INSR: variants seen among roughly 807,000 people sequenced by gnomAD.
The protein encoded by INSR is insulin receptor, also known as IR.
INSR carries 67 observed loss-of-function variants against 142.6 expected under a neutral mutation model. The observed-to-expected ratio is 0.47, with a 90% confidence interval of 0.39 to 0.58. The LOEUF (loss-of-function observed/expected upper bound fraction) is 0.58. Ranked by LOEUF, INSR falls within the 20% of genes least tolerant of loss-of-function variation. The pLI, the probability that INSR is intolerant of heterozygous loss-of-function variation, is 0.00. For missense variants in INSR, 1,248 were observed against 1,833.2 expected (o/e 0.68, Z 5.83); for synonymous variants, 756 against 743.1 (o/e 1.02, Z -0.28).
Position 7,113,497 on chromosome 19 carries a change from A to T in INSR, c.*3559T>A, listed in dbSNP as rs1320349230. 6.6e-6 allele frequency: 1 copy of T among 152,196 alleles called. No homozygotes were observed. Among genetic ancestry groups the T allele is most frequent in the Admixed American group, 6.5e-5 (1 of 15,278 alleles). 9.4% of individuals were successfully genotyped at this position (152,196 alleles called of 1,614,324 possible). A position where few individuals can be genotyped will look rare whatever the true frequency, so the allele number is the denominator to read the frequency against. On this transcript the variant is annotated 3_prime_UTR_variant, in exon 22 of 22. Coordinates refer to ENST00000302850, the MANE Select transcript of INSR (RefSeq NM_000208.4). ...TTCTGATGCGTATTTGACATCACTG[A>T]TGCAGAGAGAAAGTGATGTGCTTGG...
intron 5 of INSR, among the ~76,000 whole-genome samples, 173 bp from the exon 6 acceptor site, chr19:7,170,924 G>A (rs10415589): frequency 0.032 from 4,811 of 152,214 alleles, 247 homozygotes; most frequent in African/African-American, 0.11. Flanking sequence ...AGGAAGTTGA[G>A]GAAGTTTTCA....
chr19:7,160,125 C>T (rs949931256), intron 9 of INSR, among the ~76,000 whole-genome samples: 7 of 151,698 alleles, frequency 4.6e-5, no homozygotes, highest in Non-Finnish European at 7.4e-5. Context: ...ATATCAAGAT[C>T]CCCACCTCTA....
At chr19:7,167,893 T>A in intron 7 of INSR, 75 bp downstream of exon 7, 1 of 1,593,742 alleles carries the variant, frequency 6.3e-7, no homozygotes, top group Non-Finnish European at 8.6e-7. Context: ...GAGGGGCAGA[T>A]TGGAGCACAA....
chr19:7,248,938 T>C (rs1391497893), intron 2 of INSR, among the ~76,000 whole-genome samples: 1 of 151,850 alleles, frequency 6.6e-6, no homozygotes. Flanking sequence ...TAAGTATTTT[T>C]AGTAGAGACA....
At chr19:7,188,335 C>T in intron 2 of INSR, among the ~76,000 whole-genome samples, 1 of 151,966 alleles carries the variant, frequency 6.6e-6, no homozygotes, top group South Asian at 2.1e-4. Context: ...TATTTGAGGT[C>T]AGGAGTTCAA....
At chr19:7,153,403 T>A (rs1295487513) in intron 9 of INSR, among the ~76,000 whole-genome samples, 9 of 2,982 alleles carry the variant, frequency 3.0e-3, no homozygotes, top group South Asian at 9.8e-3. Flanking sequence ...ACACACCACA[T>A]ACACACTTCA....
chr19:7,176,635 C>G (rs1974140863), intron 3 of INSR, among the ~76,000 whole-genome samples: 1 of 152,012 alleles, frequency 6.6e-6, no homozygotes, highest in South Asian at 2.1e-4. Context: ...GCACCTTCCC[C>G]CTTTCTCTCT....
At chr19:7,250,447 AG>A (rs1976684061) in intron 2 of INSR, among the ~76,000 whole-genome samples, 2 of 85,834 alleles carry the variant, frequency 2.3e-5, no homozygotes, top group South Asian at 3.6e-4. Context: ...AAAAGAAAGA[AG>A]AAAGAAAAGG....
intron 2 of INSR, among the ~76,000 whole-genome samples, chr19:7,237,742 G>A (rs559062634): frequency 6.6e-6 from 1 of 152,166 alleles, no homozygotes; most frequent in Admixed American, 6.6e-5. Flanking sequence ...CGTAAACCCG[G>A]GAGGTGGAGC....
chr19:7,153,344 C>CCACA (rs1973481568), intron 9 of INSR, among the ~76,000 whole-genome samples: 1 of 125,398 alleles, frequency 8.0e-6, no homozygotes, highest in African/African-American at 4.0e-5. Context: ...ACGCCACACA[C>CCACA]CACAGACCAC....
In INSR at chr19:7,112,349, G is replaced by T. The variant is rs890774237; in HGVS notation, c.*4707C>A. 6.6e-6 allele frequency: 1 copy of T among 152,064 alleles called. No individual in the cohort carries two copies. Among genetic ancestry groups the T allele is most frequent in the Non-Finnish European group, 1.5e-5 (1 of 68,002 alleles). The allele number at this position is 152,064 out of a possible 1,614,324, so 9.4% of individuals were successfully genotyped here. On this transcript the variant is annotated 3_prime_UTR_variant, in exon 22 of 22. Transcript: ENST00000302850. ...ATTTCAATATTCCAAAAAAAAAGGCGTCTTCTGTACATGGTGCTACTTGGC... is the reference window on the plus strand; with the variant it reads ...ATTTCAATATTCCAAAAAAAAAGGCTTCTTCTGTACATGGTGCTACTTGGC...
chr19:7,280,641 C>T (rs1372452273), intron 1 of INSR, among the ~76,000 whole-genome samples: 2 of 151,024 alleles, frequency 1.3e-5, no homozygotes, highest in Non-Finnish European at 1.5e-5. Context: ...CGCCTGAACC[C>T]GGGAGGCGGA....
chr19:7,276,151 G>A (rs66676032), intron 1 of INSR, among the ~76,000 whole-genome samples: 1 of 151,788 alleles, frequency 6.6e-6, no homozygotes, highest in African/African-American at 2.4e-5. Flanking sequence ...TTCAGTTACA[G>A]GATTTTTTTT....
At chr19:7,198,487 C>T (rs926932096) in intron 2 of INSR, among the ~76,000 whole-genome samples, 2 of 152,088 alleles carry the variant, frequency 1.3e-5, no homozygotes, top group East Asian at 1.9e-4. Context: ...TTAGGCTGCG[C>T]GCGGCGCTGG....
rs949790153 is a variant in INSR, at chr19:7,125,171, G to C, written c.3258+112C>G. On this transcript the variant is annotated intron_variant, in intron 17 of 21. Coordinates refer to ENST00000302850, the MANE Select transcript of INSR (RefSeq NM_000208.4). The surrounding 1 kb of genome is among the most constrained non-coding windows in gnomAD (Gnocchi z 4.9). ...AGGATGGGAAGCTTAGTGGAGTGAG[G>C]GGTGGGTAGGAGGTTACACCCTGTG... 30 of 1,278,658 alleles carry C rather than the reference G, an allele frequency of 2.3e-5. No individual in the cohort carries two copies. In the African/African-American group the frequency reaches 3.8e-4, roughly 16 times the overall value. The allele number at this position is 1,278,658 out of a possible 1,614,324, so 79.2% of individuals were successfully genotyped here.
chr19:7,290,172 A>C (rs920985310), intron 1 of INSR, among the ~76,000 whole-genome samples: 2 of 152,210 alleles, frequency 1.3e-5, no homozygotes, highest in Admixed American at 1.3e-4. Flanking sequence ...CGGGAGGCCA[A>C]GGCAGGCAGA....
At position 7,115,755 on chromosome 19, in the gene INSR, C is replaced by A. The variant is rs905451066; in HGVS notation, c.*1301G>T. The A allele has an allele frequency of 6.6e-6, 1 of 152,184 alleles. No homozygotes were observed. The highest frequency in any genetic ancestry group is 2.4e-5 in the African/African-American group (1 of 41,422). The allele number at this position is 152,184 out of a possible 1,614,324, so 9.4% of individuals were successfully genotyped here. A position where few individuals can be genotyped will look rare whatever the true frequency, so the allele number is the denominator to read the frequency against. ...AGAGCTAGGTAGCTACCAGCTTATC[C>A]GAACAGGAACCTTCCAGCAGACCTG... is the stretch of plus-strand genomic sequence containing the variant. On this transcript the variant is annotated 3_prime_UTR_variant, in exon 22 of 22. Coordinates refer to ENST00000302850, the MANE Select transcript of INSR (RefSeq NM_000208.4).
At chr19:7,281,105 G>A (rs977748679) in intron 1 of INSR, among the ~76,000 whole-genome samples, 1 of 152,072 alleles carries the variant, frequency 6.6e-6, no homozygotes, top group Non-Finnish European at 1.5e-5. Context: ...GGGGGCTTCC[G>A]TGCTATTTCA....
chr19:7,223,752 G>C (rs1221842411), intron 2 of INSR, among the ~76,000 whole-genome samples: 2 of 152,148 alleles, frequency 1.3e-5, no homozygotes, highest in African/African-American at 4.8e-5. Flanking sequence ...TCCTAGCTCT[G>C]TGAAAAGATT....
Sources: gnomAD v4.1 joint callset for allele counts (sites outside exome capture counted in the v4.1 genomes callset) on GRCh38, gnomAD v4.1.1 for gene constraint, Gnocchi (gnomAD v3.1) non-coding constraint, MANE v1.5 for transcripts, NCBI Gene and HGNC (gene_info 2026-07-23, HGNC 2026-07-21) for gene names.